Variants in PRKCE observed in about 807,000 individuals in gnomAD.
PRKCE encodes protein kinase C epsilon type.
Under a neutral mutation model 85.4 loss-of-function variants are expected in PRKCE, and 16 were observed. The ratio of observed to expected loss-of-function variants is 0.19; its 90% CI spans 0.13 to 0.28. The LOEUF (loss-of-function observed/expected upper bound fraction) is 0.28, where lower values mean the gene tolerates loss of function less well. PRKCE is among the 10% of genes least tolerant of loss of function. PRKCE has a pLI of 1.00. For synonymous variants in PRKCE, 388 were observed against 371.5 expected (o/e 1.04, Z -0.51); for missense variants, 573 against 975.2 (o/e 0.59, Z 5.49).
chr2:45,959,512 A>G (rs1432636163), intron 2 of PRKCE, among the ~76,000 whole-genome samples: 1 of 152,190 alleles, frequency 6.6e-6, no homozygotes, highest in Non-Finnish European at 1.5e-5. Flanking sequence ...AAACAGAAGC[A>G]TTAATTTCAA....
intron 1 of PRKCE, among the ~76,000 whole-genome samples, chr2:45,785,264 G>A (rs995426060): frequency 2.0e-5 from 3 of 152,202 alleles, no homozygotes; most frequent in African/African-American, 7.2e-5. Flanking sequence ...GCTGAGGCGG[G>A]CAGATCACTT....
In PRKCE at chr2:45,732,530, ATATAT is replaced by A. The variant is rs111938441; in HGVS notation, c.348+80088_348+80092del. ...AAAAGGTTTGAAGTCAGTCTATAATATATATTATATGTTTTACTTATAGCTTACTT... is the reference window on the plus strand; with the variant it reads ...AAAAGGTTTGAAGTCAGTCTATAATATATATGTTTTACTTATAGCTTACTT... On this transcript the variant is annotated intron_variant, in intron 1 of 14. Transcript: ENST00000306156. 8.6e-4 allele frequency among the ~76,000 whole-genome samples: 131 copies of A among 152,298 alleles called. 1 individual carries two copies. Among genetic ancestry groups the A allele is most frequent in the Middle Eastern group, 3.4e-3 (1 of 294 alleles).
chr2:45,675,476 A>G (rs1209957689), intron 1 of PRKCE: 1 of 152,260 alleles, frequency 6.6e-6, no homozygotes, highest in Non-Finnish European at 1.5e-5. Context: ...TCAGAATTGG[A>G]GTGAATTCTA....
At chr2:46,025,510 A>G (rs1707033654) in intron 10 of PRKCE, among the ~76,000 whole-genome samples, 1 of 152,180 alleles carries the variant, frequency 6.6e-6, no homozygotes, top group South Asian at 2.1e-4. Context: ...AGAGGAAGAG[A>G]TGAGTGGGCT....
intron 10 of PRKCE, among the ~76,000 whole-genome samples, chr2:46,019,618 A>G (rs905852738): frequency 6.6e-6 from 1 of 152,206 alleles, no homozygotes; most frequent in Admixed American, 6.5e-5. Flanking sequence ...TGTAGCCAGA[A>G]GTATACTTAG....
In PRKCE at chr2:45,809,659, G is replaced by A. The variant is rs149288084; in HGVS notation, c.349-33341G>A. Among the ~76,000 whole-genome samples, 452 of 151,748 alleles carry A rather than the reference G, an allele frequency of 3.0e-3. 1 individual carries two copies. Among genetic ancestry groups the A allele is most frequent in the Non-Finnish European group, 4.5e-3 (309 of 67,934 alleles). On this transcript the variant is annotated intron_variant, in intron 1 of 14. Transcript: ENST00000306156. ...AGCCCTTCGGAAGGCTGAGGTGGGC[G>A]GATCACCTGAGGTCAGGAGTTTGAG...
At chr2:45,894,818 G>A (rs1696009254) in intron 2 of PRKCE, among the ~76,000 whole-genome samples, 2 of 152,298 alleles carry the variant, frequency 1.3e-5, no homozygotes, top group Admixed American at 1.3e-4. Context: ...CGCCTCCTGG[G>A]TTCAAGCAAT....
chr2:45,979,414 G>T (rs1052819258), intron 4 of PRKCE, among the ~76,000 whole-genome samples: 16 of 152,164 alleles, frequency 1.1e-4, no homozygotes, highest in Admixed American at 5.2e-4. Flanking sequence ...TCGCCTGCTC[G>T]TTGTACTTGG....
chr2:45,802,097 A>T (rs922801500), intron 1 of PRKCE, among the ~76,000 whole-genome samples: 29 of 151,668 alleles, frequency 1.9e-4, no homozygotes, highest in Non-Finnish European at 3.5e-4. Flanking sequence ...AAAAAAAAAA[A>T]AAAAAACACC....
rs767883034 is a variant in PRKCE at position 46,145,058 on chromosome 2, A to G, written c.1593-35A>G. The G allele has an allele frequency of 3.1e-6, 5 of 1,599,278 alleles. No individual in the cohort carries two copies. The East Asian group carries it at 1.1e-4, about 36-fold the overall frequency. On this transcript the variant is annotated intron_variant, in intron 11 of 14. Coordinates refer to ENST00000306156, the MANE Select transcript of PRKCE (RefSeq NM_005400.3). The surrounding 1 kb of genome is among the most constrained non-coding windows in gnomAD (Gnocchi z 4.6). ...CAGGAAGACTATATTGGGGTGAGTG[A>G]CGTATTGACATTATGGTCCTGGCCT...
At chr2:45,940,300 T>A (rs926344379) in intron 2 of PRKCE, among the ~76,000 whole-genome samples, 3 of 152,154 alleles carry the variant, frequency 2.0e-5, no homozygotes, top group Non-Finnish European at 4.4e-5. Flanking sequence ...TTGGACACAG[T>A]GCCCAGAGTA....
chr2:45,883,065 G>A (rs538886812), intron 2 of PRKCE, among the ~76,000 whole-genome samples: 1 of 152,132 alleles, frequency 6.6e-6, no homozygotes, highest in African/African-American at 2.4e-5. Context: ...GGTAAAAAAT[G>A]GGAAAAAAGC....
intron 1 of PRKCE, among the ~76,000 whole-genome samples, chr2:45,724,307 A>G (rs1033799321): frequency 2.0e-5 from 3 of 152,326 alleles, no homozygotes; most frequent in East Asian, 3.9e-4. Flanking sequence ...TTGCCCCCAT[A>G]TAAGATGGTG....
intron 10 of PRKCE, among the ~76,000 whole-genome samples, chr2:46,050,947 C>A (rs1558395624): frequency 6.6e-6 from 1 of 152,180 alleles, no homozygotes; most frequent in Non-Finnish European, 1.5e-5. Context: ...TCTTTGTGGT[C>A]CTCCCTTCCT....
At chr2:45,925,311 A>G (rs1698529627) in intron 2 of PRKCE, among the ~76,000 whole-genome samples, 2 of 114,696 alleles carry the variant, frequency 1.7e-5, no homozygotes, top group African/African-American at 6.8e-5. Flanking sequence ...TTATTTATTT[A>G]TTTTTGAGAC....
At chr2:45,858,307 G>A (rs1692844694) in intron 2 of PRKCE, among the ~76,000 whole-genome samples, 1 of 152,012 alleles carries the variant, frequency 6.6e-6, no homozygotes. Context: ...AGCGTCTTTT[G>A]GATTTAACAT....
At chr2:45,986,437 C>T (rs1432968844) in intron 6 of PRKCE, among the ~76,000 whole-genome samples, 17 of 151,952 alleles carry the variant, frequency 1.1e-4, no homozygotes, top group Admixed American at 1.0e-3. Context: ...CGGGGATGGG[C>T]CTTGGGGAGA....
chr2:46,116,008 G>A (rs1672731644), intron 11 of PRKCE, among the ~76,000 whole-genome samples: 1 of 152,196 alleles, frequency 6.6e-6, no homozygotes, highest in Non-Finnish European at 1.5e-5. Flanking sequence ...CAGGAGGATT[G>A]GGGTGAGGTT....
intron 6 of PRKCE, among the ~76,000 whole-genome samples, chr2:45,985,460 A>G (rs1211484366): frequency 6.6e-6 from 1 of 152,192 alleles, no homozygotes; most frequent in African/African-American, 2.4e-5. Flanking sequence ...ACTACTAGGC[A>G]GGGATATTGC....
Sources: allele counts gnomAD v4.1 joint callset (sites outside exome capture counted in the v4.1 genomes callset), GRCh38; gene constraint gnomAD v4.1.1; non-coding constraint Gnocchi (gnomAD v3.1); transcripts MANE v1.5; gene names NCBI Gene and HGNC (gene_info 2026-07-23, HGNC 2026-07-21).